AUH: variants seen among roughly 807,000 people sequenced by gnomAD.
AUH encodes the protein methylglutaconyl-CoA hydratase, mitochondrial.
Under a neutral mutation model 42.3 loss-of-function variants are expected in AUH, and 29 were observed. The ratio of observed to expected loss-of-function variants is 0.69; its 90% CI spans 0.51 to 0.93. The LOEUF is 0.93. Among genes scored for constraint, AUH ranks in the 40% least tolerant of loss-of-function variants. AUH has a pLI of 0.00. For synonymous variants in AUH, 174 were observed against 166.4 expected, an observed-to-expected ratio of 1.05 and a Z score of -0.35; for missense variants, 452 against 438.1, an observed-to-expected ratio of 1.03 and a Z score of -0.28.
At chr9:91,282,695 T>TA (rs1237671869) in intron 6 of AUH, among the ~76,000 whole-genome samples, 1 of 152,014 alleles carries the variant, frequency 6.6e-6, no homozygotes, top group Non-Finnish European at 1.5e-5. Context: ...TCTATGCAAA[T>TA]AAACTAGAAA....
At chr9:91,355,456 C>T (rs949224988) in intron 3 of AUH, among the ~76,000 whole-genome samples, 10 of 151,862 alleles carry the variant, frequency 6.6e-5, no homozygotes, top group African/African-American at 2.2e-4. Context: ...ACTCGGGGGG[C>T]TGAGGCGGGA....
chr9:91,335,574 C>T (rs894915034), intron 3 of AUH, among the ~76,000 whole-genome samples: 4 of 152,140 alleles, frequency 2.6e-5, no homozygotes, highest in African/African-American at 9.7e-5. Flanking sequence ...CTTTCATCTA[C>T]CCTATTTGGG....
intron 6 of AUH, among the ~76,000 whole-genome samples, chr9:91,273,858 A>G (rs1320727128): frequency 6.6e-6 from 1 of 152,228 alleles, no homozygotes. Flanking sequence ...TTGCCACTTT[A>G]ATTCTGCACA....
intron 1 of AUH, among the ~76,000 whole-genome samples, chr9:91,361,144 A>G (rs1320850336): frequency 6.6e-6 from 1 of 152,226 alleles, no homozygotes; most frequent in Non-Finnish European, 1.5e-5. Flanking sequence ...ACTTTCTAAG[A>G]GAAAATGAAC....
chr9:91,353,893 A>G (rs1200052543), intron 3 of AUH, among the ~76,000 whole-genome samples: 1 of 150,634 alleles, frequency 6.6e-6, no homozygotes, highest in African/African-American at 2.4e-5. Context: ...TGTAAAAAAG[A>G]GGCCATGTGT....
At chr9:91,329,304 G>GA (rs149098947) in intron 3 of AUH, among the ~76,000 whole-genome samples, 16,810 of 134,752 alleles carry the variant, frequency 0.12, 1,050 homozygotes, top group African/African-American at 0.18. Flanking sequence ...TTGGAGAAAA[G>GA]AAAAAAAAAA....
intron 6 of AUH, among the ~76,000 whole-genome samples, chr9:91,271,731 A>G (rs1220250190): frequency 6.6e-6 from 1 of 152,180 alleles, no homozygotes; most frequent in African/African-American, 2.4e-5. Context: ...CCCAGGCTGG[A>G]GTGCAATGGC....
rs752408884 is a variant in AUH at position 91,216,053 on chromosome 9, A to T, written c.942+6T>A. 9.3e-6 allele frequency: 15 copies of T among 1,608,410 alleles called. No homozygotes were observed. The Admixed American group carries it at 2.2e-4, about 23-fold the overall frequency. On this transcript the variant is annotated splice_donor_region_variant and intron_variant, in intron 9 of 9. Transcript: ENST00000375731. ...TCCTCATTGAATTTGTGATTGCATT[A>T]CATACCTGAGCATAACAAGCTTCTT...
intron 6 of AUH, among the ~76,000 whole-genome samples, chr9:91,284,237 T>A (rs1052508116): frequency 2.0e-5 from 3 of 152,126 alleles, no homozygotes; most frequent in Non-Finnish European, 4.4e-5. Flanking sequence ...TAATAAATGG[T>A]GCTGGGAAAA....
chr9:91,241,134 G>A (rs1286075921), intron 6 of AUH, among the ~76,000 whole-genome samples: 1 of 152,168 alleles, frequency 6.6e-6, no homozygotes, highest in Non-Finnish European at 1.5e-5. Flanking sequence ...TCTAAACTGA[G>A]ATCTTCCCAA....
chr9:91,259,275 TATA>T (rs1206547719), intron 6 of AUH, among the ~76,000 whole-genome samples: 1 of 152,242 alleles, frequency 6.6e-6, no homozygotes, highest in African/African-American at 2.4e-5. Flanking sequence ...AATTTGCTCC[TATA>T]ATGTTTCTCA....
chr9:91,304,845 A>G (rs1828086208), intron 4 of AUH, among the ~76,000 whole-genome samples: 1 of 152,250 alleles, frequency 6.6e-6, no homozygotes, highest in Non-Finnish European at 1.5e-5. Flanking sequence ...GTGGAGAGAT[A>G]TAATTTAAAA....
At chr9:91,287,517 C>T (rs574217785) in intron 6 of AUH, among the ~76,000 whole-genome samples, 2 of 152,234 alleles carry the variant, frequency 1.3e-5, no homozygotes, top group East Asian at 1.9e-4. Flanking sequence ...AACTGTGGTA[C>T]AGTTCTATAA....
intron 4 of AUH, among the ~76,000 whole-genome samples, chr9:91,302,406 A>G (rs1827858063): frequency 6.6e-6 from 1 of 152,164 alleles, no homozygotes; most frequent in Non-Finnish European, 1.5e-5. Flanking sequence ...CCTGACCAAC[A>G]TAGAGAAACC....
At chr9:91,293,621 A>G (rs1354745973) in intron 6 of AUH, among the ~76,000 whole-genome samples, 1 of 152,250 alleles carries the variant, frequency 6.6e-6, no homozygotes, top group Non-Finnish European at 1.5e-5. Context: ...GGAAGCTAGC[A>G]GAGGCTACTT....
intron 3 of AUH, among the ~76,000 whole-genome samples, chr9:91,345,912 C>T (rs933323627): frequency 1.3e-5 from 2 of 151,488 alleles, no homozygotes; most frequent in East Asian, 3.9e-4. Context: ...TAGACAGGTC[C>T]CAAAATAATG....
At chr9:91,258,695 T>C (rs1829544041) in intron 6 of AUH, among the ~76,000 whole-genome samples, 1 of 152,260 alleles carries the variant, frequency 6.6e-6, no homozygotes, top group Non-Finnish European at 1.5e-5. Flanking sequence ...GTAAATGTTT[T>C]GTAAAGGCCT....
chr9:91,242,762 G>T (rs762287946), intron 6 of AUH, among the ~76,000 whole-genome samples: 1 of 152,196 alleles, frequency 6.6e-6, no homozygotes, highest in Non-Finnish European at 1.5e-5. Context: ...CTTACTAACT[G>T]CATGTTAGAA....
At chr9:91,277,233 C>T (rs1018868446) in intron 6 of AUH, among the ~76,000 whole-genome samples, 1 of 152,202 alleles carries the variant, frequency 6.6e-6, no homozygotes, top group South Asian at 2.1e-4. Flanking sequence ...GCATAAAATA[C>T]CATTCCAATT....
Sources: gnomAD v4.1 joint callset for allele counts (sites outside exome capture counted in the v4.1 genomes callset) on GRCh38, gnomAD v4.1.1 for gene constraint, MANE v1.5 for transcripts, NCBI Gene and HGNC (gene_info 2026-07-23, HGNC 2026-07-21) for gene names.